The following NBAS variants were observed in gnomAD, a reference collection of about 807,000 sequenced individuals.
The protein encoded by NBAS is NAG/BC035112 fusion.
NBAS carries 219 observed loss-of-function variants against 302.5 expected under a neutral mutation model. That is an observed-to-expected ratio of 0.72 (90% confidence interval 0.65 to 0.81). The LOEUF (loss-of-function observed/expected upper bound fraction) is 0.81. Among genes scored for constraint, NBAS ranks in the 30% least tolerant of loss-of-function variants. The pLI, the probability that NBAS is intolerant of heterozygous loss-of-function variation, is 0.00. For synonymous variants in NBAS, 1,118 were observed against 1,021.6 expected (o/e 1.09, Z -1.80); for missense variants, 2,932 against 2,841.6 (o/e 1.03, Z -0.72).
chr2:15,516,301 A>G (rs990543634), intron 9 of NBAS, among the ~76,000 whole-genome samples: 1 of 152,218 alleles, frequency 6.6e-6, no homozygotes, highest in Non-Finnish European at 1.5e-5. Context: ...AAGTTCTAAG[A>G]AGAGCCAACT....
At chr2:14,826,592 A>G in the NBAS span, among the ~76,000 whole-genome samples, 1 of 152,240 alleles carries the variant, frequency 6.6e-6, no homozygotes, top group Admixed American at 6.5e-5. Context: ...TGGCAGCTCC[A>G]TGCAGAACTC....
chr2:14,782,999 C>G, the NBAS span, among the ~76,000 whole-genome samples: 2 of 151,912 alleles, frequency 1.3e-5, no homozygotes, highest in African/African-American at 4.8e-5. Context: ...AAAAAATTGC[C>G]ATTGGGTACA....
At chr2:15,128,563 G>A in the NBAS span, among the ~76,000 whole-genome samples, 3 of 152,182 alleles carry the variant, frequency 2.0e-5, no homozygotes, top group Non-Finnish European at 4.4e-5. Context: ...AGTGGGACAC[G>A]ATCATGTCTA....
the NBAS span, among the ~76,000 whole-genome samples, chr2:14,779,288 C>T: frequency 4.6e-5 from 7 of 152,322 alleles, no homozygotes; most frequent in South Asian, 1.5e-3. Context: ...AACACAGTGA[C>T]CTCCTAACAG....
intron 28 of NBAS, among the ~76,000 whole-genome samples, chr2:15,389,436 A>T (rs1211507538): frequency 6.6e-6 from 1 of 152,226 alleles, no homozygotes; most frequent in Non-Finnish European, 1.5e-5. Context: ...TGGGTATGGT[A>T]TGATCATTTT....
chr2:15,039,482 G>A, the NBAS span, among the ~76,000 whole-genome samples: 6 of 152,124 alleles, frequency 3.9e-5, no homozygotes, highest in South Asian at 4.1e-4. Flanking sequence ...AAGGGCCTCT[G>A]GAAATTCAAA....
At chr2:15,492,313 A>C (rs1188966864) in intron 11 of NBAS, among the ~76,000 whole-genome samples, 1 of 152,178 alleles carries the variant, frequency 6.6e-6, no homozygotes. Flanking sequence ...TTATCTATTG[A>C]ACGTTCATGC....
At chr2:14,820,049 C>G in the NBAS span, among the ~76,000 whole-genome samples, 1 of 152,166 alleles carries the variant, frequency 6.6e-6, no homozygotes. Flanking sequence ...AAAGGGAACC[C>G]TCATACTCTT....
the NBAS span, among the ~76,000 whole-genome samples, chr2:15,047,810 C>T: frequency 1.2e-4 from 18 of 152,344 alleles, no homozygotes; most frequent in South Asian, 6.2e-4. Context: ...CCTAGATTAC[C>T]GTCCCATCTC....
intron 35 of NBAS, among the ~76,000 whole-genome samples, chr2:15,342,996 C>T (rs1672925959): frequency 6.6e-6 from 1 of 151,816 alleles, no homozygotes; most frequent in Non-Finnish European, 1.5e-5. Context: ...CAAAGGACAC[C>T]CAAGTTCAAT....
the NBAS span, among the ~76,000 whole-genome samples, chr2:14,788,708 CGTGTGAG>C: frequency 6.6e-6 from 1 of 152,066 alleles, no homozygotes; most frequent in African/African-American, 2.4e-5. Flanking sequence ...AGTACCTGGC[CGTGTGAG>C]GTGTGAGGTG....
chr2:15,387,765 G>A (rs1031284375), intron 28 of NBAS, among the ~76,000 whole-genome samples: 2 of 151,922 alleles, frequency 1.3e-5, no homozygotes, highest in African/African-American at 4.8e-5. Context: ...CCTAGTAGCT[G>A]GGACTACAAG....
chr2:14,974,821 A>G, the NBAS span, among the ~76,000 whole-genome samples: 1 of 152,200 alleles, frequency 6.6e-6, no homozygotes, highest in Non-Finnish European at 1.5e-5. Context: ...GTGTTGTTTT[A>G]TACGACACAG....
the NBAS span, among the ~76,000 whole-genome samples, chr2:15,058,551 A>C: frequency 6.6e-6 from 1 of 152,208 alleles, no homozygotes; most frequent in Non-Finnish European, 1.5e-5. Context: ...ATAAGGTTGA[A>C]GTTCCCAGTT....
chr2:15,243,667 G>A (rs901103067), intron 44 of NBAS, among the ~76,000 whole-genome samples: 26 of 152,226 alleles, frequency 1.7e-4, no homozygotes, highest in African/African-American at 5.8e-4. Flanking sequence ...AACTTGGGGG[G>A]CAGATCATAC....
chr2:15,334,186 TTTTTC>T (rs1193791716), intron 35 of NBAS, among the ~76,000 whole-genome samples: 2 of 107,102 alleles, frequency 1.9e-5, no homozygotes, highest in East Asian at 2.1e-4. Flanking sequence ...TCTCTTCTCC[TTTTTC>T]TTTTCTTTTT....
At chr2:14,993,306 G>A in the NBAS span, among the ~76,000 whole-genome samples, 1 of 152,100 alleles carries the variant, frequency 6.6e-6, no homozygotes, top group Non-Finnish European at 1.5e-5. Flanking sequence ...CAATGGTCCC[G>A]TTTATTTTTT....
At chr2:15,074,796 G>A in the NBAS span, among the ~76,000 whole-genome samples, 30 of 152,112 alleles carry the variant, frequency 2.0e-4, no homozygotes, top group Non-Finnish European at 4.0e-4. Flanking sequence ...ATATCCACAT[G>A]AGAAAGCCAA....
At chr2:14,996,772 A>G in the NBAS span, among the ~76,000 whole-genome samples, 1 of 152,180 alleles carries the variant, frequency 6.6e-6, no homozygotes, top group Non-Finnish European at 1.5e-5. Context: ...TTCCTTAGAC[A>G]AACCAAGTAC....
Sources: gnomAD v4.1 joint callset for allele counts (sites outside exome capture counted in the v4.1 genomes callset) on GRCh38, gnomAD v4.1.1 for gene constraint, MANE v1.5 for transcripts, NCBI Gene and HGNC (gene_info 2026-07-23, HGNC 2026-07-21) for gene names.